The following NTM variants were observed in gnomAD, a reference collection of about 807,000 sequenced individuals.
NTM encodes neurotrimin.
NTM carries 13 observed loss-of-function variants against 42.1 expected under a neutral mutation model. The ratio of observed to expected loss-of-function variants is 0.31; its 90% confidence interval spans 0.20 to 0.49. The LOEUF (loss-of-function observed/expected upper bound fraction) is 0.49, where lower values mean the gene tolerates loss of function less well. Ranked by LOEUF, NTM falls within the 20% of genes least tolerant of loss-of-function variation. The pLI, the probability that NTM is intolerant of heterozygous loss-of-function variation, is 0.99. For synonymous variants in NTM, 187 were observed against 179.2 expected, an observed-to-expected ratio of 1.04 and a Z score of -0.35; for missense variants, 373 against 452.8, an observed-to-expected ratio of 0.82 and a Z score of 1.60.
At chr11:131,789,904 C>G (rs948248756) in intron 1 of NTM, among the ~76,000 whole-genome samples, 12 of 133,860 alleles carry the variant, frequency 9.0e-5, no homozygotes, top group African/African-American at 3.4e-4. Flanking sequence ...TGCAGTGAGC[C>G]GAGATCGCGC....
chr11:131,885,545 T>C (rs574774052), intron 1 of NTM, among the ~76,000 whole-genome samples: 28 of 152,324 alleles, frequency 1.8e-4, no homozygotes, highest in African/African-American at 6.7e-4. Context: ...CCTCAGGGGC[T>C]GAGCAGCAGA....
chr11:132,100,499 A>T (rs1483521798), intron 2 of NTM, among the ~76,000 whole-genome samples: 1 of 152,202 alleles, frequency 6.6e-6, no homozygotes, highest in Non-Finnish European at 1.5e-5. Context: ...CTTCTGTGAC[A>T]GTTGAATTAC....
intron 1 of NTM, chr11:131,911,337 C>G (rs1307073020): frequency 1.3e-6 from 2 of 1,493,338 alleles, no homozygotes; most frequent in Admixed American, 2.3e-5. Context: ...AGTCTGCGCG[C>G]TTTTCTCCTC....
chr11:131,517,097 A>G (rs1371858404), intron 1 of NTM, among the ~76,000 whole-genome samples: 1 of 152,178 alleles, frequency 6.6e-6, no homozygotes, highest in Non-Finnish European at 1.5e-5. Flanking sequence ...GCAGACTTGA[A>G]TCTTTTTGGT....
At chr11:132,139,891 A>G (rs2068740829) in intron 2 of NTM, among the ~76,000 whole-genome samples, 1 of 152,246 alleles carries the variant, frequency 6.6e-6, no homozygotes, top group Non-Finnish European at 1.5e-5. Flanking sequence ...CTGTAGAGAC[A>G]CAAGTGAAAA....
chr11:132,240,689 A>G (rs933653211), intron 4 of NTM, among the ~76,000 whole-genome samples: 3 of 152,254 alleles, frequency 2.0e-5, no homozygotes, highest in Non-Finnish European at 4.4e-5. Flanking sequence ...AAAATGGAAG[A>G]CTGCACTGAA....
chr11:131,398,565 A>G (rs1944802498), intron 1 of NTM, among the ~76,000 whole-genome samples: 1 of 152,216 alleles, frequency 6.6e-6, no homozygotes, highest in African/African-American at 2.4e-5. Context: ...ATTATATTAC[A>G]TCAAGTAGAT....
At chr11:131,941,885 G>C (rs917016102) in intron 2 of NTM, among the ~76,000 whole-genome samples, 1 of 144,418 alleles carries the variant, frequency 6.9e-6, no homozygotes, top group African/African-American at 2.6e-5. Context: ...CTAATGGGCA[G>C]GTGTTTTCTG....
intron 1 of NTM, among the ~76,000 whole-genome samples, chr11:131,619,321 T>C (rs1430695345): frequency 1.3e-5 from 2 of 152,122 alleles, no homozygotes; most frequent in Non-Finnish European, 2.9e-5. Flanking sequence ...GACTTGCCAG[T>C]CTCCCAAATG....
intron 2 of NTM, among the ~76,000 whole-genome samples, chr11:132,081,887 G>A (rs1030340640): frequency 1.3e-5 from 2 of 149,032 alleles, no homozygotes; most frequent in African/African-American, 2.5e-5. Context: ...AATATAGCAA[G>A]ACTAAATATA....
intron 1 of NTM, among the ~76,000 whole-genome samples, chr11:131,414,788 C>T (rs1368266163): frequency 6.6e-6 from 1 of 152,222 alleles, no homozygotes; most frequent in African/African-American, 2.4e-5. Context: ...TCCTGCCTTC[C>T]TGTCAATGTA....
At chr11:131,843,309 A>G (rs969013248) in intron 1 of NTM, among the ~76,000 whole-genome samples, 3 of 152,214 alleles carry the variant, frequency 2.0e-5, no homozygotes, top group Admixed American at 6.5e-5. Context: ...TAGTACATTC[A>G]TATGTGTTTA....
At chr11:132,060,477 A>G (rs2080482726) in intron 2 of NTM, among the ~76,000 whole-genome samples, 1 of 135,912 alleles carries the variant, frequency 7.4e-6, no homozygotes. Flanking sequence ...AGTGAGAGAA[A>G]CTGGAATATT....
rs1478248924 is a variant in NTM at position 131,599,332 on chromosome 11, AT to A, written c.82+228445del. Among the ~76,000 whole-genome samples, 4 of 152,308 alleles carry A rather than the reference AT, an allele frequency of 2.6e-5. 1 individual carries two copies. The East Asian group carries it at 5.8e-4, about 22-fold the overall frequency. On this transcript the variant is annotated intron_variant, in intron 1 of 8. Coordinates refer to ENST00000683400, the MANE Select transcript of NTM (RefSeq NM_001352005.2). ...GCCCTGTCTACCCAGTCTCCGGCAG[AT>A]GCCCTGTCTACCCAGTCTCCGGCAG... is the stretch of plus-strand genomic sequence containing the variant.
rs147073574 is a variant in NTM at position 131,798,596 on chromosome 11, C to T, written c.83-112968C>T. Among the ~76,000 whole-genome samples, 9 of 152,282 alleles carry T rather than the reference C, an allele frequency of 5.9e-5. 1 individual carries two copies. Among genetic ancestry groups the T allele is most frequent in the East Asian group, 3.9e-4 (2 of 5,186 alleles). On this transcript the variant is annotated intron_variant, in intron 1 of 8. Coordinates refer to ENST00000683400, the MANE Select transcript of NTM (RefSeq NM_001352005.2). ...AGGTTTCCTGACTTTTAAAAGGAGACGCAATAAACTTTCTTTATTCCTTCA... is the reference window on the plus strand; with the variant it reads ...AGGTTTCCTGACTTTTAAAAGGAGATGCAATAAACTTTCTTTATTCCTTCA...
intron 2 of NTM, among the ~76,000 whole-genome samples, chr11:132,130,842 G>A (rs1304205953): frequency 6.6e-6 from 1 of 152,186 alleles, no homozygotes; most frequent in Non-Finnish European, 1.5e-5. Flanking sequence ...GCACGGCTGA[G>A]GCCGCATAGA....
Position 131,370,903 on chromosome 11 carries a change from T to C in NTM, c.82+15T>C. ...TCTCTTCCAAGGTAAGAGCTTGCTATTGATTTGCCTTCGGTAGACCCAGGA... is the reference window on the plus strand; with the variant it reads ...TCTCTTCCAAGGTAAGAGCTTGCTACTGATTTGCCTTCGGTAGACCCAGGA... On this transcript the variant is annotated intron_variant, in intron 1 of 8. Transcript: ENST00000683400. 6.2e-7 allele frequency: 1 copy of C among 1,613,348 alleles called. No individual in the cohort carries two copies. Among genetic ancestry groups the C allele is most frequent in the South Asian group, 1.1e-5 (1 of 90,932 alleles).
At chr11:131,529,019 A>G (rs987580860) in intron 1 of NTM, among the ~76,000 whole-genome samples, 2 of 152,170 alleles carry the variant, frequency 1.3e-5, no homozygotes, top group Non-Finnish European at 2.9e-5. Context: ...ATATATTGCA[A>G]TGGGATTGAG....
chr11:131,527,852 T>A (rs970656012), intron 1 of NTM, among the ~76,000 whole-genome samples: 3 of 151,318 alleles, frequency 2.0e-5, no homozygotes, highest in African/African-American at 7.4e-5. Flanking sequence ...TTTGGTAGAT[T>A]TGGAAAGCGA....
Sources: gnomAD v4.1 joint callset for allele counts (sites outside exome capture counted in the v4.1 genomes callset) on GRCh38, gnomAD v4.1.1 for gene constraint, MANE v1.5 for transcripts, NCBI Gene and HGNC (gene_info 2026-07-23, HGNC 2026-07-21) for gene names.